The following SHANK2 variants were observed in gnomAD, a reference collection of about 807,000 sequenced individuals.
SHANK2 encodes SH3 and multiple ankyrin repeat domains 2.
SHANK2 carries 43 observed loss-of-function variants against 133.7 expected under a neutral mutation model. The observed-to-expected ratio is 0.32, with a 90% CI of 0.25 to 0.41. The LOEUF (loss-of-function observed/expected upper bound fraction) is 0.41, where lower values mean the gene tolerates loss of function less well. Among genes scored for constraint, SHANK2 ranks in the 10% least tolerant of loss-of-function variants. The pLI, the probability that SHANK2 is intolerant of heterozygous loss-of-function variation, is 1.00. For synonymous variants in SHANK2, 1,017 were observed against 952.8 expected, an observed-to-expected ratio of 1.07 and a Z score of -1.24; for missense variants, 1,994 against 2,235.8, an observed-to-expected ratio of 0.89 and a Z score of 2.18.
intron 17 of SHANK2, among the ~76,000 whole-genome samples, chr11:70,570,168 G>A (rs1365160253): frequency 2.0e-5 from 3 of 152,194 alleles, no homozygotes; most frequent in East Asian, 1.9e-4. Flanking sequence ...GCTTGCCGCC[G>A]AGAGTCCTGG....
At chr11:70,737,382 C>T (rs1030509046) in intron 14 of SHANK2, among the ~76,000 whole-genome samples, 11 of 152,198 alleles carry the variant, frequency 7.2e-5, no homozygotes, top group Admixed American at 3.3e-4. Flanking sequence ...ATCAGGGTCC[C>T]GGGCTCAGCT....
intron 14 of SHANK2, among the ~76,000 whole-genome samples, chr11:70,790,339 G>A (rs1019258657): frequency 9.2e-5 from 14 of 152,238 alleles, no homozygotes; most frequent in South Asian, 2.1e-4. Flanking sequence ...GGTGCATAAA[G>A]AGGGTCAGCT....
At chr11:71,113,488 G>A (rs1951925919) in intron 4 of SHANK2, 124 bp from the exon 5 acceptor site, 5 of 814,946 alleles carry the variant, frequency 6.1e-6, no homozygotes, top group Non-Finnish European at 1.0e-5. Context: ...CAAACTTCCA[G>A]TTTTAAATAA....
At chr11:70,732,659 T>C (rs1326308219) in intron 14 of SHANK2, among the ~76,000 whole-genome samples, 3 of 152,242 alleles carry the variant, frequency 2.0e-5, no homozygotes, top group Non-Finnish European at 4.4e-5. Context: ...TTGCACCTGC[T>C]GTTCCTGCTG....
chr11:70,587,384 C>G (rs1242533790), intron 17 of SHANK2, among the ~76,000 whole-genome samples: 4 of 152,162 alleles, frequency 2.6e-5, no homozygotes, highest in East Asian at 1.9e-4. Flanking sequence ...GAGAAAGGAG[C>G]CTGTCGCGGC....
chr11:70,788,905 C>A (rs57232361), intron 14 of SHANK2, among the ~76,000 whole-genome samples: 14,349 of 152,228 alleles, frequency 0.094, 866 homozygotes, highest in South Asian at 0.27. Flanking sequence ...GCCAGCCTCA[C>A]CACCACCCTG....
intron 8 of SHANK2, among the ~76,000 whole-genome samples, chr11:71,091,486 G>C (rs1207379599): frequency 6.6e-6 from 1 of 152,172 alleles, no homozygotes; most frequent in African/African-American, 2.4e-5. Context: ...CAGTCACTGT[G>C]TAGAGAACCA....
chr11:70,549,541 T>C (rs1554977299), intron 17 of SHANK2, among the ~76,000 whole-genome samples: 2 of 152,194 alleles, frequency 1.3e-5, no homozygotes, highest in East Asian at 3.9e-4. Flanking sequence ...TCTCCTTTGG[T>C]GCTCGAGGCA....
intron 11 of SHANK2, among the ~76,000 whole-genome samples, chr11:70,881,536 G>C (rs1590792156): frequency 6.9e-6 from 1 of 144,258 alleles, no homozygotes; most frequent in South Asian, 2.3e-4. Context: ...ACAATACAGG[G>C]AGACCCTGTC....
intron 17 of SHANK2, among the ~76,000 whole-genome samples, chr11:70,517,268 G>C (rs2059277568): frequency 6.6e-6 from 1 of 152,184 alleles, no homozygotes; most frequent in South Asian, 2.1e-4. Flanking sequence ...TTGCTGGTGG[G>C]AACCCAAAAT....
intron 17 of SHANK2, among the ~76,000 whole-genome samples, chr11:70,570,143 G>A (rs909105393): frequency 6.6e-6 from 1 of 152,228 alleles, no homozygotes; most frequent in Non-Finnish European, 1.5e-5. Context: ...CGAATGACAA[G>A]AGGGAACTTC....
At chr11:70,482,644 C>G (rs781891569) in intron 25 of SHANK2, among the ~76,000 whole-genome samples, 32 of 152,192 alleles carry the variant, frequency 2.1e-4, no homozygotes, top group African/African-American at 7.2e-4. Context: ...TAGTGCCTGG[C>G]GTTTGGTGAA....
In SHANK2 at chr11:70,850,571, C is replaced by T. The variant is rs141468024; in HGVS notation, c.1175-29889G>A. ...TCAGCCTCCCCTCTGCCAAGAGCCACGTGTCCTCACCATGCACGCCCGAGC... is the reference window on the plus strand; with the variant it reads ...TCAGCCTCCCCTCTGCCAAGAGCCATGTGTCCTCACCATGCACGCCCGAGC... On this transcript the variant is annotated intron_variant, in intron 11 of 25. Coordinates refer to ENST00000601538, the MANE Select transcript of SHANK2 (RefSeq NM_012309.5). Among the ~76,000 whole-genome samples, 158 of 152,310 alleles carry T rather than the reference C, an allele frequency of 1.0e-3. 1 individual carries two copies. In the Middle Eastern group the frequency reaches 0.024, roughly 23 times the overall value.
intron 14 of SHANK2, among the ~76,000 whole-genome samples, chr11:70,737,777 G>T (rs1946435510): frequency 6.6e-6 from 1 of 152,262 alleles, no homozygotes; most frequent in Non-Finnish European, 1.5e-5. Context: ...GAGGACAAAT[G>T]ATTCCAGAAT....
chr11:70,539,562 C>T (rs1182413257), intron 17 of SHANK2, among the ~76,000 whole-genome samples: 7 of 152,234 alleles, frequency 4.6e-5, no homozygotes, highest in African/African-American at 7.2e-5. Flanking sequence ...ATACTCACCA[C>T]GCTCACTCAT....
intron 3 of SHANK2, among the ~76,000 whole-genome samples, chr11:71,144,195 G>A (rs1240770291): frequency 1.1e-4 from 17 of 149,602 alleles, no homozygotes; most frequent in African/African-American, 4.3e-4. Context: ...CAAGGCTCAG[G>A]AGGTGGGGGA....
In SHANK2 at chr11:70,473,585, T is replaced by G; in HGVS notation, c.4980-146A>C. 4.1e-5 allele frequency: 28 copies of G among 689,332 alleles called. No individual in the cohort carries two copies. Among genetic ancestry groups the G allele is most frequent in the Non-Finnish European group, 4.7e-5 (19 of 405,556 alleles). 42.7% of individuals were successfully genotyped at this position (689,332 alleles called of 1,614,324 possible). A position where few individuals can be genotyped will look rare whatever the true frequency, so the allele number is the denominator to read the frequency against. ...ATCCACTGGCAGTGAACGAATGATTTGCCATGCCAGGGTGGGGGAGGGGGA... is the reference window on the plus strand; with the variant it reads ...ATCCACTGGCAGTGAACGAATGATTGGCCATGCCAGGGTGGGGGAGGGGGA... On this transcript the variant is annotated intron_variant, in intron 25 of 25. Transcript: ENST00000601538. The surrounding 1 kb of genome is among the most constrained non-coding windows in gnomAD (Gnocchi z 5.9).
intron 11 of SHANK2, among the ~76,000 whole-genome samples, chr11:70,859,972 G>C (rs1949232400): frequency 6.6e-6 from 1 of 152,102 alleles, no homozygotes; most frequent in Non-Finnish European, 1.5e-5. Context: ...TTCAGCTTTG[G>C]CAACAACCCC....
intron 21 of SHANK2, among the ~76,000 whole-genome samples, chr11:70,492,917 T>C (rs2058915203): frequency 6.8e-6 from 1 of 146,922 alleles, no homozygotes; most frequent in Non-Finnish European, 1.5e-5. Flanking sequence ...TGCGTCAGCC[T>C]CAAGAGTAGC....
Sources: allele counts gnomAD v4.1 joint callset (sites outside exome capture counted in the v4.1 genomes callset), GRCh38; gene constraint gnomAD v4.1.1; non-coding constraint Gnocchi (gnomAD v3.1); transcripts MANE v1.5; gene names NCBI Gene and HGNC (gene_info 2026-07-23, HGNC 2026-07-21).